Variants in CACNA2D3 observed in about 807,000 individuals in gnomAD.
CACNA2D3 encodes the protein voltage-dependent calcium channel subunit alpha-2/delta-3.
In CACNA2D3, 60 loss-of-function variants were observed where a neutral mutation model predicts 160.6. That is an observed-to-expected ratio of 0.37 (90% CI 0.30 to 0.46). The LOEUF (loss-of-function observed/expected upper bound fraction) is 0.46, where lower values mean the gene tolerates loss of function less well. CACNA2D3 is among the 20% of genes least tolerant of loss of function. The pLI, the probability that CACNA2D3 is intolerant of heterozygous loss-of-function variation, is 1.00. For missense variants in CACNA2D3, 1,205 were observed against 1,365.0 expected (o/e 0.88, Z 1.85); for synonymous variants, 558 against 492.9 (o/e 1.13, Z -1.75).
chr3:54,772,776 A>G (rs1238389421), intron 13 of CACNA2D3, among the ~76,000 whole-genome samples: 2 of 152,214 alleles, frequency 1.3e-5, no homozygotes, highest in Admixed American at 6.5e-5. Context: ...AGAGCAAAAA[A>G]TCATTAACAA....
chr3:54,317,099 G>A (rs1703880469), intron 2 of CACNA2D3, among the ~76,000 whole-genome samples: 1 of 152,224 alleles, frequency 6.6e-6, no homozygotes, highest in African/African-American at 2.4e-5. Flanking sequence ...GAGTTTCAAT[G>A]TTGGTTTTTG....
chr3:54,856,683 A>G (rs944523897), intron 17 of CACNA2D3, among the ~76,000 whole-genome samples: 3 of 152,236 alleles, frequency 2.0e-5, no homozygotes, highest in Non-Finnish European at 4.4e-5. Context: ...AGCTCGCCAA[A>G]AGAAACAAAA....
chr3:54,331,706 G>A lies in CACNA2D3; in HGVS notation c.321+11148G>A, dbSNP rs149785524. Among the ~76,000 whole-genome samples the A allele has an allele frequency of 1.7e-4, 26 of 152,308 alleles. 1 individual carries two copies. The East Asian group carries it at 3.3e-3, about 19-fold the overall frequency. On this transcript the variant is annotated intron_variant, in intron 3 of 37. Coordinates refer to ENST00000474759, the MANE Select transcript of CACNA2D3 (RefSeq NM_018398.3). ...AGAATGTGCATTATAAGGGGACATG[G>A]AATCTTTCTTTTTTAAAGTTCCTGA...
intron 4 of CACNA2D3, among the ~76,000 whole-genome samples, chr3:54,426,363 C>T (rs1575448403): frequency 6.6e-6 from 1 of 152,192 alleles, no homozygotes; most frequent in East Asian, 1.9e-4. Context: ...ATAAACTGCA[C>T]TTTAGAGATG....
At chr3:54,167,050 G>C (rs1443326281) in intron 2 of CACNA2D3, among the ~76,000 whole-genome samples, 1 of 152,088 alleles carries the variant, frequency 6.6e-6, no homozygotes, top group Non-Finnish European at 1.5e-5. Flanking sequence ...AGGTCTTGGG[G>C]GAAGCATCTT....
intron 35 of CACNA2D3, among the ~76,000 whole-genome samples, chr3:55,033,655 A>C (rs796394106): frequency 2.2e-5 from 3 of 138,442 alleles, no homozygotes; most frequent in Non-Finnish European, 4.6e-5. Context: ...AAATATATAT[A>C]AAATAGATAT....
chr3:54,616,962 G>C (rs59834970), intron 9 of CACNA2D3, among the ~76,000 whole-genome samples: 38,989 of 151,808 alleles, frequency 0.26, 5,441 homozygotes, highest in African/African-American at 0.35. Context: ...CTTCTGTCTC[G>C]GGCATTCTCT....
chr3:54,670,157 C>T (rs1049026035), intron 11 of CACNA2D3, among the ~76,000 whole-genome samples: 4 of 152,070 alleles, frequency 2.6e-5, no homozygotes, highest in Non-Finnish European at 4.4e-5. Flanking sequence ...TGCAGCATGC[C>T]CATACGTTTT....
At chr3:54,245,708 C>G (rs967385399) in intron 2 of CACNA2D3, among the ~76,000 whole-genome samples, 3 of 152,158 alleles carry the variant, frequency 2.0e-5, no homozygotes, top group Admixed American at 6.5e-5. Flanking sequence ...CACACGATCT[C>G]CCCCAGTCTC....
At chr3:54,763,673 ATATGTATATATG>A (rs1263076902) in intron 12 of CACNA2D3, among the ~76,000 whole-genome samples, 1 of 143,926 alleles carries the variant, frequency 6.9e-6, no homozygotes, top group African/African-American at 2.6e-5. Flanking sequence ...GTGTGTGTAT[ATATGTATATATG>A]TGTGTATATA....
intron 14 of CACNA2D3, among the ~76,000 whole-genome samples, chr3:54,829,372 T>A (rs932624356): frequency 2.6e-5 from 4 of 152,008 alleles, no homozygotes; most frequent in Admixed American, 6.6e-5. Context: ...TGGAAGTGGG[T>A]GGGAGATTTG....
At chr3:54,716,490 C>T (rs553856851) in intron 11 of CACNA2D3, among the ~76,000 whole-genome samples, 1 of 152,202 alleles carries the variant, frequency 6.6e-6, no homozygotes, top group East Asian at 1.9e-4. Context: ...CTGTCAATTA[C>T]GTATTCATCT....
At position 54,132,145 on chromosome 3, in the gene CACNA2D3, G is replaced by A. The variant is rs1699724612; in HGVS notation, c.204+8551G>A. On this transcript the variant is annotated intron_variant, in intron 2 of 37. Coordinates refer to ENST00000474759, the MANE Select transcript of CACNA2D3 (RefSeq NM_018398.3). The stretch of plus-strand genomic sequence containing the variant: ...GCGTCATGTACAAACAGCTCAATGG[G>A]CATAGGCTTTTGCCCCACTGACATA... 2.6e-5 allele frequency among the ~76,000 whole-genome samples: 4 copies of A among 152,210 alleles called. No homozygotes were observed. In the South Asian group the frequency reaches 8.3e-4, roughly 32 times the overall value.
At chr3:54,427,263 T>C (rs564227888) in intron 4 of CACNA2D3, among the ~76,000 whole-genome samples, 1 of 152,274 alleles carries the variant, frequency 6.6e-6, no homozygotes, top group African/African-American at 2.4e-5. Context: ...AACACAATTT[T>C]TGAAATGTGT....
chr3:54,642,602 C>A (rs1385932816), intron 11 of CACNA2D3, among the ~76,000 whole-genome samples: 1 of 152,122 alleles, frequency 6.6e-6, no homozygotes, highest in Non-Finnish European at 1.5e-5. Context: ...GTCATGGTAG[C>A]CCTGCAGGCC....
chr3:54,138,368 G>A lies in CACNA2D3; in HGVS notation c.204+14774G>A, dbSNP rs563324741. On this transcript the variant is annotated intron_variant, in intron 2 of 37. Transcript: ENST00000474759. ...CATGTGAGAGAGAGCGGGGAGATTG[G>A]AAGAGGGCAGTCTGTGAAGCTTGGG... is the stretch of plus-strand genomic sequence containing the variant. Among the ~76,000 whole-genome samples the A allele has an allele frequency of 7.2e-5, 11 of 152,346 alleles. No homozygotes were observed. The South Asian group carries it at 2.3e-3, about 32-fold the overall frequency.
intron 11 of CACNA2D3, among the ~76,000 whole-genome samples, chr3:54,694,898 C>T (rs757492424): frequency 1.3e-5 from 2 of 152,114 alleles, no homozygotes; most frequent in Admixed American, 6.5e-5. Context: ...AGTTAAAATC[C>T]CAATGTAGTA....
At chr3:54,321,219 C>G (rs1703983783) in intron 3 of CACNA2D3, among the ~76,000 whole-genome samples, 1 of 151,808 alleles carries the variant, frequency 6.6e-6, no homozygotes, top group Non-Finnish European at 1.5e-5. Context: ...ACTTGGGAGG[C>G]TGAGGCAGGA....
At chr3:54,837,570 C>A (rs148564640) in intron 15 of CACNA2D3, among the ~76,000 whole-genome samples, 259 of 152,242 alleles carry the variant, frequency 1.7e-3, no homozygotes, top group African/African-American at 5.6e-3. Flanking sequence ...AATGAAGTGC[C>A]ACAAACTGTG....
Sources: allele counts gnomAD v4.1 joint callset (sites outside exome capture counted in the v4.1 genomes callset), GRCh38; gene constraint gnomAD v4.1.1; transcripts MANE v1.5; gene names NCBI Gene and HGNC (gene_info 2026-07-23, HGNC 2026-07-21).